Variants in SLC30A8 observed in about 807,000 individuals in gnomAD.
The protein encoded by SLC30A8 is proton-coupled zinc antiporter SLC30A8.
A neutral mutation model predicts 36.9 loss-of-function variants in SLC30A8; 27 were observed. That is an observed-to-expected ratio of 0.73 (90% confidence interval 0.54 to 1.01). The LOEUF (loss-of-function observed/expected upper bound fraction) is 1.01. Ranked by LOEUF, SLC30A8 falls within the 50% of genes least tolerant of loss-of-function variation. The probability of loss-of-function intolerance (pLI) is 0.00; values close to 1 mark genes in which losing one functional copy is unlikely to be tolerated. For synonymous variants in SLC30A8, 164 were observed against 172.4 expected (o/e 0.95, Z 0.38); for missense variants, 439 against 452.0 (o/e 0.97, Z 0.26).
At chr8:116,961,921 G>A (rs73701634) in intron 1 of SLC30A8, among the ~76,000 whole-genome samples, 2,265 of 151,888 alleles carry the variant, frequency 0.015, 67 homozygotes, top group African/African-American at 0.052. Flanking sequence ...TGACCTAAAC[G>A]CCTTCTAGGC....
chr8:117,057,247 A>G (rs573973663), intron 2 of SLC30A8, among the ~76,000 whole-genome samples: 61 of 152,338 alleles, frequency 4.0e-4, no homozygotes, highest in Non-Finnish European at 6.9e-4. Context: ...ACTTATTTTA[A>G]AATGTATAAT....
At chr8:116,961,073 T>A (rs1414518802) in intron 1 of SLC30A8, among the ~76,000 whole-genome samples, 1 of 152,198 alleles carries the variant, frequency 6.6e-6, no homozygotes, top group Non-Finnish European at 1.5e-5. Flanking sequence ...TAAAACTGTT[T>A]ATTCACTTGC....
intron 5 of SLC30A8, among the ~76,000 whole-genome samples, chr8:117,162,942 G>T (rs1822869423): frequency 6.6e-6 from 1 of 152,202 alleles, no homozygotes; most frequent in South Asian, 2.1e-4. Flanking sequence ...TACTTGAGAG[G>T]CAAAGAAATA....
intron 1 of SLC30A8, among the ~76,000 whole-genome samples, chr8:116,968,954 C>T (rs1232156488): frequency 6.6e-6 from 1 of 152,004 alleles, no homozygotes; most frequent in Non-Finnish European, 1.5e-5. Context: ...CCAGGATGGT[C>T]TCCATCTCTT....
intron 2 of SLC30A8, among the ~76,000 whole-genome samples, chr8:117,062,809 C>T (rs1052157137): frequency 3.3e-5 from 5 of 152,156 alleles, no homozygotes; most frequent in African/African-American, 9.7e-5. Context: ...ACTGCAGGGC[C>T]GAGTCTCTTT....
chr8:117,094,385 G>T (rs547360992), intron 2 of SLC30A8, among the ~76,000 whole-genome samples: 1 of 152,272 alleles, frequency 6.6e-6, no homozygotes, highest in Non-Finnish European at 1.5e-5. Flanking sequence ...GCAGTGGGTA[G>T]CTCTTCTCTG....
intron 2 of SLC30A8, among the ~76,000 whole-genome samples, chr8:117,085,619 T>C (rs191456360): frequency 7.4e-4 from 112 of 152,318 alleles, no homozygotes; most frequent in African/African-American, 2.6e-3. Flanking sequence ...ATAATAACTT[T>C]CCCTTACTAT....
At chr8:117,045,376 C>G (rs1817519128) in intron 2 of SLC30A8, among the ~76,000 whole-genome samples, 1 of 151,980 alleles carries the variant, frequency 6.6e-6, no homozygotes, top group Non-Finnish European at 1.5e-5. Context: ...AACAAATTAC[C>G]TTTTTTTAAA....
At chr8:117,047,321 A>G (rs1323574543) in intron 2 of SLC30A8, among the ~76,000 whole-genome samples, 1 of 152,210 alleles carries the variant, frequency 6.6e-6, no homozygotes, top group Non-Finnish European at 1.5e-5. Flanking sequence ...ACTTGAAGAA[A>G]TATGCTTGAG....
At chr8:117,119,604 G>A (rs1820601322) in intron 2 of SLC30A8, among the ~76,000 whole-genome samples, 1 of 151,916 alleles carries the variant, frequency 6.6e-6, no homozygotes, top group Non-Finnish European at 1.5e-5. Context: ...CACATCATCT[G>A]TGTGTATGCA....
intron 4 of SLC30A8, among the ~76,000 whole-genome samples, chr8:117,160,443 A>ATGTGTG (rs1563635255): frequency 7.7e-6 from 1 of 129,768 alleles, no homozygotes; most frequent in African/African-American, 3.6e-5. Context: ...GTGCGCGCAC[A>ATGTGTG]TGTGCGCGCG....
chr8:117,100,470 C>T (rs1333457938), intron 2 of SLC30A8, among the ~76,000 whole-genome samples: 1 of 152,180 alleles, frequency 6.6e-6, no homozygotes, highest in Non-Finnish European at 1.5e-5. Flanking sequence ...CAAGCCTGCC[C>T]TCCTACTCTG....
chr8:117,022,701 C>A (rs1395547888), intron 1 of SLC30A8, among the ~76,000 whole-genome samples: 1 of 152,160 alleles, frequency 6.6e-6, no homozygotes, highest in East Asian at 1.9e-4. Flanking sequence ...TGGATCCCTT[C>A]CTTACACTTT....
At chr8:117,158,950 C>T (rs1248036301) in intron 4 of SLC30A8, among the ~76,000 whole-genome samples, 1 of 152,172 alleles carries the variant, frequency 6.6e-6, no homozygotes, top group Non-Finnish European at 1.5e-5. Flanking sequence ...GGGAAATTAT[C>T]CTTGATTATC....
chr8:117,103,845 T>A (rs1421266256), intron 2 of SLC30A8, among the ~76,000 whole-genome samples: 3 of 152,188 alleles, frequency 2.0e-5, no homozygotes, highest in African/African-American at 7.2e-5. Context: ...GTCCAACAGC[T>A]TTCTTTCACT....
At chr8:117,022,732 T>G (rs1816741752) in intron 1 of SLC30A8, among the ~76,000 whole-genome samples, 1 of 152,176 alleles carries the variant, frequency 6.6e-6, no homozygotes, top group Non-Finnish European at 1.5e-5. Flanking sequence ...TAATTCAAGA[T>G]GGATCAAAGA....
chr8:116,959,312 T>C (rs1466341035), intron 1 of SLC30A8, among the ~76,000 whole-genome samples: 1 of 152,214 alleles, frequency 6.6e-6, no homozygotes, highest in African/African-American at 2.4e-5. Flanking sequence ...TGTCTAGAAA[T>C]TTTCCATATC....
At chr8:117,144,543 A>C (rs1201580967) in intron 1 of SLC30A8, among the ~76,000 whole-genome samples, 1 of 152,194 alleles carries the variant, frequency 6.6e-6, no homozygotes, top group Non-Finnish European at 1.5e-5. Flanking sequence ...TATATGAGCA[A>C]ATAATTGGAA....
At chr8:117,098,931 G>C (rs963263024) in intron 2 of SLC30A8, among the ~76,000 whole-genome samples, 1 of 152,158 alleles carries the variant, frequency 6.6e-6, no homozygotes, top group Non-Finnish European at 1.5e-5. Context: ...AGAAACCAGA[G>C]ACACCAAGTG....
Sources: allele counts gnomAD v4.1 joint callset (sites outside exome capture counted in the v4.1 genomes callset), GRCh38; gene constraint gnomAD v4.1.1; transcripts MANE v1.5; gene names NCBI Gene and HGNC (gene_info 2026-07-23, HGNC 2026-07-21).